Variants in ITGA11 observed in about 807,000 individuals in gnomAD.
ITGA11 encodes integrin alpha-11.
Under a neutral mutation model 141.9 loss-of-function variants are expected in ITGA11, and 97 were observed. That is an observed-to-expected ratio of 0.68 (90% CI 0.58 to 0.81). ITGA11 has a LOEUF of 0.81. Among genes scored for constraint, ITGA11 ranks in the 30% least tolerant of loss-of-function variants. ITGA11 has a pLI of 0.00. For synonymous variants in ITGA11, 658 were observed against 624.6 expected (o/e 1.05, Z -0.80); for missense variants, 1,387 against 1,559.2 (o/e 0.89, Z 1.86).
chr15:68,424,990 C>T (rs905840856), intron 1 of ITGA11, among the ~76,000 whole-genome samples: 14 of 152,254 alleles, frequency 9.2e-5, no homozygotes, highest in African/African-American at 3.4e-4. Context: ...ATGAGCCCTG[C>T]AGTCTGTGGG....
chr15:68,299,707 A>T lies in ITGA11; in HGVS notation c.*3352T>A, dbSNP rs1400593060. The stretch of plus-strand genomic sequence containing the variant: ...GGGATTGAAGCCAGGGGACTGACTC[A>T]AGTCTAATGTCTTATTCTCAGACAG... On this transcript the variant is annotated 3_prime_UTR_variant, in exon 30 of 30. Coordinates refer to ENST00000315757, the MANE Select transcript of ITGA11 (RefSeq NM_001004439.2). 6.6e-6 allele frequency: 1 copy of T among 152,180 alleles called. No individual in the cohort carries two copies. Among genetic ancestry groups the T allele is most frequent in the Non-Finnish European group, 1.5e-5 (1 of 68,024 alleles). 9.4% of individuals were successfully genotyped at this position (152,180 alleles called of 1,614,324 possible). A position where few individuals can be genotyped will look rare whatever the true frequency, so the allele number is the denominator to read the frequency against.
intron 2 of ITGA11, among the ~76,000 whole-genome samples, chr15:68,392,474 G>C (rs1896144974): frequency 6.6e-6 from 1 of 152,298 alleles, no homozygotes; most frequent in East Asian, 1.9e-4. Flanking sequence ...ATAGGGATTG[G>C]AGTTGGGGCT....
intron 1 of ITGA11, among the ~76,000 whole-genome samples, chr15:68,423,439 G>A (rs887497244): frequency 1.3e-5 from 2 of 152,174 alleles, no homozygotes; most frequent in African/African-American, 4.8e-5. Flanking sequence ...GAAGGCCAGG[G>A]ACAGCTCAGT....
Position 68,333,089 on chromosome 15 carries a change from T to C in ITGA11, c.1426-611A>G, listed in dbSNP as rs931049473. On this transcript the variant is annotated intron_variant, in intron 12 of 29. Transcript: ENST00000315757. The surrounding 1 kb of genome is among the most constrained non-coding windows in gnomAD (Gnocchi z 4.2). ...ATGTATCATAATGTGTTTAATCAGT[T>C]ATTGCTGGACGGTTAGCTTTTTTTT... Among the ~76,000 whole-genome samples the C allele has an allele frequency of 1.3e-4, 19 of 145,370 alleles. No homozygotes were observed. The highest frequency in any genetic ancestry group is 2.5e-4 in the Non-Finnish European group (17 of 67,062).
intron 2 of ITGA11, among the ~76,000 whole-genome samples, chr15:68,395,437 GT>G (rs1896209157): frequency 1.3e-5 from 2 of 151,628 alleles, no homozygotes; most frequent in Non-Finnish European, 2.9e-5. Context: ...TTGAAAAAAG[GT>G]TAGATGAGAG....
At chr15:68,339,053 G>C (rs2140313765) in intron 11 of ITGA11, among the ~76,000 whole-genome samples, 1 of 152,318 alleles carries the variant, frequency 6.6e-6, no homozygotes, top group East Asian at 1.9e-4. Flanking sequence ...CACTTCCAAA[G>C]TGCTTCATGG....
Position 68,311,046 on chromosome 15 carries a change from G to A in ITGA11, c.3122C>T (p.Thr1041Ile), listed in dbSNP as rs909209671. Reference sequence around the variant, plus strand: ...CTCCACTGGGGTGGGCCGGTACTCAGTGCTATTGCCCCAGATGTTACAGGA... The same window carrying A: ...CTCCACTGGGGTGGGCCGGTACTCAATGCTATTGCCCCAGATGTTACAGGA... Reference protein sequence around the residue: ...NTSCNIWGNSTEYRPTPVEED... With the variant: ...NTSCNIWGNSIEYRPTPVEED... Residue 1041 changes from threonine (T) to isoleucine (I), a missense_variant, in exon 26 of 30, where the codon ACT (threonine) becomes ATT (isoleucine). By Grantham distance (89) the Thr-to-Ile change is moderately conservative (BLOSUM62 -1). Transcript: ENST00000315757. 3 of 1,608,026 alleles carry A rather than the reference G, an allele frequency of 1.9e-6. No individual in the cohort carries two copies.
At chr15:68,367,968 C>T (rs189341116) in intron 3 of ITGA11, among the ~76,000 whole-genome samples, 1 of 152,356 alleles carries the variant, frequency 6.6e-6, no homozygotes, top group African/African-American at 2.4e-5. Context: ...AGACGATTTC[C>T]TCACTGAAGT....
At chr15:68,384,188 G>C (rs1026279664) in intron 2 of ITGA11, among the ~76,000 whole-genome samples, 1 of 150,506 alleles carries the variant, frequency 6.6e-6, no homozygotes, top group South Asian at 2.1e-4. Context: ...TGACCAGTTT[G>C]TGTGTGTGTC....
chr15:68,322,177 A>G lies in ITGA11; in HGVS notation c.2323-674T>C, dbSNP rs527701189. On this transcript the variant is annotated intron_variant, in intron 18 of 29. Coordinates refer to ENST00000315757, the MANE Select transcript of ITGA11 (RefSeq NM_001004439.2). This position sits in a 1 kb window ranked among gnomAD's most constrained non-coding sequence, Gnocchi z 5.6. ...TCAGTGTTGCTGTGGTAAGAGACAC[A>G]GGGGTGGGAGAGAGGAAGAGATGGT... Among the ~76,000 whole-genome samples, 2 of 152,238 alleles carry G rather than the reference A, an allele frequency of 1.3e-5. No individual in the cohort carries two copies. The highest frequency in any genetic ancestry group is 3.9e-4 in the East Asian group (2 of 5,180).
chr15:68,307,259 T>C lies in ITGA11; in HGVS notation c.3381+89A>G. ...TCCTGCTGGGACATGCAGCCAGGGGTTGTAGGAAAACTCTATAGAGGAGCA... is the reference window on the plus strand; with the variant it reads ...TCCTGCTGGGACATGCAGCCAGGGGCTGTAGGAAAACTCTATAGAGGAGCA... On this transcript the variant is annotated intron_variant, in intron 28 of 29. Coordinates refer to ENST00000315757, the MANE Select transcript of ITGA11 (RefSeq NM_001004439.2). This position sits in a 1 kb window ranked among gnomAD's most constrained non-coding sequence, Gnocchi z 6.1. 2.3e-6 allele frequency: 2 copies of C among 876,598 alleles called. No homozygotes were observed. The allele number at this position is 876,598 out of a possible 1,614,324, so 54.3% of individuals were successfully genotyped here.
In ITGA11 at chr15:68,324,338, T is replaced by C. The variant is rs3784336; in HGVS notation, c.2322+793A>G. Among the ~76,000 whole-genome samples the C allele has an allele frequency of 0.89, 135,579 of 152,124 alleles. 60,482 individuals are homozygous for C. Among genetic ancestry groups the C allele is most frequent in the South Asian group, 0.94 (4,531 of 4,822 alleles). The stretch of plus-strand genomic sequence containing the variant: ...AATAATTCTGAAACTGCTTCCTGGC[T>C]GGACTCTGTCACTCACACAGACGTT... On this transcript the variant is annotated intron_variant, in intron 18 of 29. Transcript: ENST00000315757. This position sits in a 1 kb window ranked among gnomAD's most constrained non-coding sequence, Gnocchi z 6.3.
At position 68,322,350 on chromosome 15, in the gene ITGA11, C is replaced by T. The variant is rs1046964648; in HGVS notation, c.2323-847G>A. 4.0e-5 allele frequency among the ~76,000 whole-genome samples: 6 copies of T among 151,858 alleles called. No homozygotes were observed. Among genetic ancestry groups the T allele is most frequent in the African/African-American group, 1.5e-4 (6 of 41,306 alleles). ...AGAATGGAGTGAGAAGATGGAGGCT[C>T]GAGGCAGGGAGACCATTGAGGAGGC... On this transcript the variant is annotated intron_variant, in intron 18 of 29. Coordinates refer to ENST00000315757, the MANE Select transcript of ITGA11 (RefSeq NM_001004439.2). The surrounding 1 kb of genome is among the most constrained non-coding windows in gnomAD (Gnocchi z 5.6).
chr15:68,359,816 G>C (rs1392601412), intron 5 of ITGA11, among the ~76,000 whole-genome samples: 2 of 152,116 alleles, frequency 1.3e-5, no homozygotes, highest in Admixed American at 1.3e-4. Context: ...GAGTTACTTT[G>C]AAATAATGCA....
intron 1 of ITGA11, among the ~76,000 whole-genome samples, chr15:68,405,457 C>G (rs929261010): frequency 6.6e-6 from 1 of 152,066 alleles, no homozygotes; most frequent in South Asian, 2.1e-4. Flanking sequence ...CCCACTCTAT[C>G]GTCACGATTC....
Position 68,369,037 on chromosome 15 carries a change from T to A in ITGA11, c.265+147A>T. 3 of 636,052 alleles carry A rather than the reference T, an allele frequency of 4.7e-6. No individual in the cohort carries two copies. The South Asian group carries it at 5.9e-5, about 12-fold the overall frequency. 39.4% of individuals were successfully genotyped at this position (636,052 alleles called of 1,614,324 possible). A position where few individuals can be genotyped will look rare whatever the true frequency, so the allele number is the denominator to read the frequency against. On this transcript the variant is annotated intron_variant, in intron 3 of 29. Coordinates refer to ENST00000315757, the MANE Select transcript of ITGA11 (RefSeq NM_001004439.2). Reference sequence around the variant, plus strand: ...TCCCTGGCCTCAGCTTCCTCATGTGTAAAGTGGGGGCAGTGATATCAGCTG... The same window carrying A: ...TCCCTGGCCTCAGCTTCCTCATGTGAAAAGTGGGGGCAGTGATATCAGCTG...
At chr15:68,414,697 T>C (rs532223242) in intron 1 of ITGA11, among the ~76,000 whole-genome samples, 1 of 152,184 alleles carries the variant, frequency 6.6e-6, no homozygotes, top group African/African-American at 2.4e-5. Flanking sequence ...GGCACTCCCG[T>C]GGGCAGGCCA....
Position 68,303,753 on chromosome 15 carries a change from C to A in ITGA11, c.3495+19G>T, listed in dbSNP as rs762248769. ...CCAGCCAGGATGCTGCTCCTTCCCT[C>A]CCCTGCCAGGGCCCTCACCTTCCAC... On this transcript the variant is annotated intron_variant, in intron 29 of 29. Transcript: ENST00000315757. The surrounding 1 kb of genome is among the most constrained non-coding windows in gnomAD (Gnocchi z 5.3). 9 of 1,559,372 alleles carry A rather than the reference C, an allele frequency of 5.8e-6. No homozygotes were observed. The highest frequency in any genetic ancestry group is 7.9e-6 in the Non-Finnish European group (9 of 1,133,918).
At chr15:68,398,871 C>T (rs1896394284) in intron 2 of ITGA11, among the ~76,000 whole-genome samples, 1 of 149,180 alleles carries the variant, frequency 6.7e-6, no homozygotes, top group Non-Finnish European at 1.5e-5. Flanking sequence ...AGATGTAAAA[C>T]TTACACTGAA....
Sources: gnomAD v4.1 joint callset for allele counts (sites outside exome capture counted in the v4.1 genomes callset) on GRCh38, gnomAD v4.1.1 for gene constraint, Gnocchi (gnomAD v3.1) non-coding constraint, MANE v1.5 for transcripts, NCBI Gene and HGNC (gene_info 2026-07-23, HGNC 2026-07-21) for gene names.